Variants in XCL2 observed in about 807,000 individuals in gnomAD.
XCL2 encodes cytokine SCM-1 beta.
In XCL2, 8 loss-of-function variants were observed where a neutral mutation model predicts 7.2. The ratio of observed to expected loss-of-function variants is 1.10; its 90% confidence interval spans 0.65 to 1.99. The LOEUF (loss-of-function observed/expected upper bound fraction) is 1.99. Ranked by LOEUF, XCL2 falls within the 30% of genes most tolerant of loss-of-function variation. The pLI is 0.00. For synonymous variants in XCL2, 46 were observed against 54.2 expected (o/e 0.85, Z 0.67); for missense variants, 131 against 138.6 (o/e 0.94, Z 0.28).
intron 2 of XCL2, 113 bp from the exon 3 acceptor site, chr1:168,541,233 A>G (rs534762622): frequency 9.1e-5 from 124 of 1,360,632 alleles, no homozygotes; most frequent in Non-Finnish European, 1.2e-4. Flanking sequence ...ACTGCAAGAA[A>G]TAGTCTTTCA....
In XCL2 at chr1:168,543,261, C is replaced by T. The variant is rs1344195353; in HGVS notation, c.61+643G>A. ...GTTATCTTTCTGCCTGTCCTGCGTC[C>T]TAAAATGGGGGTCCCTTATTGCATT... is the stretch of plus-strand genomic sequence containing the variant. On this transcript the variant is annotated intron_variant, in intron 1 of 2. Coordinates refer to ENST00000367819, the MANE Select transcript of XCL2 (RefSeq NM_003175.4). The T allele has an allele frequency of 6.8e-5, 14 of 207,244 alleles. No individual in the cohort carries two copies. The Admixed American group carries it at 7.4e-4, about 11-fold the overall frequency. 12.8% of individuals were successfully genotyped at this position (207,244 alleles called of 1,614,324 possible). A position where few individuals can be genotyped will look rare whatever the true frequency, so the allele number is the denominator to read the frequency against.
intron 2 of XCL2, among the ~76,000 whole-genome samples, chr1:168,541,559 A>G (rs879346294): frequency 6.6e-6 from 1 of 152,180 alleles, no homozygotes; most frequent in Non-Finnish European, 1.5e-5. Flanking sequence ...AGATTCTGGT[A>G]GAAGAAAGGG....
chr1:168,541,047 T>C lies in XCL2; in HGVS notation c.250A>G (p.Met84Val), dbSNP rs1197822207. Residue 84 changes from methionine (M) to valine (V), a missense_variant, in exon 3 of 3, where the codon ATG becomes GTG. Physicochemically the swap from Met to Val is conservative, Grantham distance 21. Transcript: ENST00000367819. ...TTTCTGGTGTTGGATTTCCTGTCCA[T>C]GCTCCTGACCACGTCTCTCACCCAC... ...ATWVRDVVRS[M>V]DRKSNTRNNM... 4 of 1,613,706 alleles carry C rather than the reference T, an allele frequency of 2.5e-6. No individual in the cohort carries two copies. The highest frequency in any genetic ancestry group is 2.2e-5 in the South Asian group (2 of 91,076).
Position 168,540,775 on chromosome 1 carries a change from T to C in XCL2, c.*177A>G, listed in dbSNP as rs977902520. On this transcript the variant is annotated 3_prime_UTR_variant, in exon 3 of 3. Coordinates refer to ENST00000367819, the MANE Select transcript of XCL2 (RefSeq NM_003175.4). ...TAGACTAGGGAACTATTCTTAATAA[T>C]AAATAATTTATTAATTAGAACATAT... 10 of 702,216 alleles carry C rather than the reference T, an allele frequency of 1.4e-5. No individual in the cohort carries two copies. Among genetic ancestry groups the C allele is most frequent in the Non-Finnish European group, 2.1e-5 (10 of 473,382 alleles). The allele number at this position is 702,216 out of a possible 1,614,324, so 43.5% of individuals were successfully genotyped here.
chr1:168,541,136 A>G lies in XCL2; in HGVS notation c.177-16T>C. On this transcript the variant is annotated splice_polypyrimidine_tract_variant and intron_variant, in intron 2 of 2. Coordinates refer to ENST00000367819, the MANE Select transcript of XCL2 (RefSeq NM_003175.4). ...GGTAATAAAACTGTAACGCAAGGAA[A>G]AGACAGATGAAGTTAGCCACGTTCT... The G allele has an allele frequency of 6.2e-7, 1 of 1,612,142 alleles. No homozygotes were observed. The highest frequency in any genetic ancestry group is 1.1e-5 in the South Asian group (1 of 91,006).
Position 168,542,000 on chromosome 1 carries a change from C to G in XCL2, c.169G>C (p.Ala57Pro), listed in dbSNP as rs776737025. Residue 57 changes from alanine (A) to proline (P), a missense_variant, in exon 2 of 3, where the codon GCA becomes CCA. By Grantham distance (27) the Ala-to-Pro change is conservative. Coordinates refer to ENST00000367819, the MANE Select transcript of XCL2 (RefSeq NM_003175.4). ...TYTITEGSLR[A>P]VIFITKRGLK... ...CTGAGGAGGCAGACTCACATTACTG[C>G]TCTCAAGGAGCCTTCCGTGATGGTG... The G allele has an allele frequency of 1.9e-6, 3 of 1,611,246 alleles. No individual in the cohort carries two copies. Among genetic ancestry groups the G allele is most frequent in the Non-Finnish European group, 2.5e-6 (3 of 1,178,574 alleles).
intron 2 of XCL2, 66 bp from the exon 3 acceptor site, chr1:168,541,186 G>T: frequency 1.9e-6 from 3 of 1,582,294 alleles, no homozygotes; most frequent in Non-Finnish European, 2.6e-6. Flanking sequence ...CAGGAGTTAA[G>T]ATCAGGGCAG....
At chr1:168,541,206 G>A in intron 2 of XCL2, 86 bp from the exon 3 acceptor site, 1 of 1,504,846 alleles carries the variant, frequency 6.6e-7, no homozygotes, top group Non-Finnish European at 8.9e-7. Context: ...GACATGAAGA[G>A]ATCTTGTGCA....
At chr1:168,542,197 G>A (rs1654302536) in intron 1 of XCL2, 90 bp from the exon 2 acceptor site, 2 of 1,186,520 alleles carry the variant, frequency 1.7e-6, no homozygotes, top group African/African-American at 1.5e-5. Flanking sequence ...CTCTGAGAAT[G>A]TTGTGAGAAT....
rs567397478 is a variant in XCL2 at position 168,543,782 on chromosome 1, G to A, written c.61+122C>T. The A allele has an allele frequency of 3.4e-5, 45 of 1,339,304 alleles. No homozygotes were observed. The East Asian group carries it at 8.7e-4, about 26-fold the overall frequency. 83.0% of individuals were successfully genotyped at this position (1,339,304 alleles called of 1,614,324 possible). A position where few individuals can be genotyped will look rare whatever the true frequency, so the allele number is the denominator to read the frequency against. On this transcript the variant is annotated intron_variant, in intron 1 of 2. Coordinates refer to ENST00000367819, the MANE Select transcript of XCL2 (RefSeq NM_003175.4). ...ATCATCATTCCTTTCTTGCACATGG[G>A]AAGTTTAAGGCTCCCCTGGAGACAG...
In XCL2 at chr1:168,542,004, C is replaced by T. The variant is rs1208281908; in HGVS notation, c.165G>A (p.Leu55=). Residue 55 remains leucine (L), a synonymous_variant, in exon 2 of 3, where the codon TTG becomes TTA. Transcript: ENST00000367819. The part of the protein sequence containing the change: ...IKTYTITEGS[L]RAVIFITKRG... ...GGAGGCAGACTCACATTACTGCTCTCAAGGAGCCTTCCGTGATGGTGTAGG... is the reference window on the plus strand; with the variant it reads ...GGAGGCAGACTCACATTACTGCTCTTAAGGAGCCTTCCGTGATGGTGTAGG... 5 of 1,611,226 alleles carry T rather than the reference C, an allele frequency of 3.1e-6. No homozygotes were observed. The highest frequency in any genetic ancestry group is 4.2e-6 in the Non-Finnish European group (5 of 1,178,652).
Position 168,540,873 on chromosome 1 carries a change from G to A in XCL2, c.*79C>T. On this transcript the variant is annotated 3_prime_UTR_variant, in exon 3 of 3. Transcript: ENST00000367819. ...TTATTCATGCAGTGCTTTCATAAAAGGTGAGTATAATCTCAGTCCATGAGG... is the reference window on the plus strand; with the variant it reads ...TTATTCATGCAGTGCTTTCATAAAAAGTGAGTATAATCTCAGTCCATGAGG... The A allele has an allele frequency of 6.0e-6, 9 of 1,494,256 alleles. No individual in the cohort carries two copies. The highest frequency in any genetic ancestry group is 8.1e-6 in the Non-Finnish European group (9 of 1,115,104). The allele number at this position is 1,494,256 out of a possible 1,614,324, so 92.6% of individuals were successfully genotyped here. A position where few individuals can be genotyped will look rare whatever the true frequency, so the allele number is the denominator to read the frequency against.
intron 1 of XCL2, chr1:168,543,030 T>A: frequency 5.6e-6 from 2 of 360,040 alleles, no homozygotes; most frequent in Non-Finnish European, 1.1e-5. Flanking sequence ...CCACTTAAGC[T>A]GATCCACAAG....
At position 168,540,920 on chromosome 1, in the gene XCL2, C is replaced by A; in HGVS notation, c.*32G>T. 6.2e-7 allele frequency: 1 copy of A among 1,608,232 alleles called. No homozygotes were observed. Among genetic ancestry groups the A allele is most frequent in the Non-Finnish European group, 8.5e-7 (1 of 1,175,630 alleles). On this transcript the variant is annotated 3_prime_UTR_variant, in exon 3 of 3. Coordinates refer to ENST00000367819, the MANE Select transcript of XCL2 (RefSeq NM_003175.4). Reference sequence around the variant, plus strand: ...GAGGGTGTAAAGTGAAATGAGCTGGCTGGCTGGAGACGGACAGGGTGCCAG... The same window carrying A: ...GAGGGTGTAAAGTGAAATGAGCTGGATGGCTGGAGACGGACAGGGTGCCAG...
Position 168,541,144 on chromosome 1 carries a change from T to G in XCL2, c.177-24A>C, listed in dbSNP as rs376802983. ...AACTGTAACGCAAGGAAAAGACAGA[T>G]GAAGTTAGCCACGTTCTCAAAGCCT... On this transcript the variant is annotated intron_variant, in intron 2 of 2. Coordinates refer to ENST00000367819, the MANE Select transcript of XCL2 (RefSeq NM_003175.4). The G allele has an allele frequency of 3.7e-6, 6 of 1,610,896 alleles. No homozygotes were observed. The African/African-American group carries it at 6.7e-5, about 18-fold the overall frequency.
At chr1:168,541,585 C>T (rs1197648535) in intron 2 of XCL2, among the ~76,000 whole-genome samples, 1 of 152,018 alleles carries the variant, frequency 6.6e-6, no homozygotes, top group Non-Finnish European at 1.5e-5. Flanking sequence ...GTAGGTTGTG[C>T]ATTGACTCAT....
At chr1:168,542,511 C>G (rs900296197) in intron 1 of XCL2, among the ~76,000 whole-genome samples, 1 of 152,076 alleles carries the variant, frequency 6.6e-6, no homozygotes, top group African/African-American at 2.4e-5. Flanking sequence ...TAGAGCATAT[C>G]TTCTCATGAG....
intron 1 of XCL2, chr1:168,543,354 G>C (rs1028858539): frequency 1.5e-5 from 3 of 198,052 alleles, no homozygotes; most frequent in Non-Finnish European, 3.1e-5. Context: ...CCTTCACACA[G>C]GTTTTGTATT....
chr1:168,542,165 G>A, intron 1 of XCL2, 58 bp from the exon 2 acceptor site: 1 of 1,375,282 alleles, frequency 7.3e-7, no homozygotes, highest in Non-Finnish European at 9.7e-7. Context: ...CCAGATCACA[G>A]GAACAATCGT....
Sources: gnomAD v4.1 joint callset for allele counts (sites outside exome capture counted in the v4.1 genomes callset) on GRCh38, gnomAD v4.1.1 for gene constraint, MANE v1.5 for transcripts, NCBI Gene and HGNC (gene_info 2026-07-23, HGNC 2026-07-21) for gene names.